CSMD1: variants seen among roughly 807,000 people sequenced by gnomAD.
CSMD1 encodes CUB and Sushi multiple domains 1, also known as CUB and sushi domain-containing protein 1.
CSMD1 carries 213 observed loss-of-function variants against 417.5 expected under a neutral mutation model. The observed-to-expected ratio is 0.51, with a 90% CI of 0.46 to 0.57. CSMD1 has a LOEUF of 0.57. CSMD1 is among the 20% of genes least tolerant of loss of function. The pLI, the probability that CSMD1 is intolerant of heterozygous loss-of-function variation, is 0.00. For synonymous variants in CSMD1, 2,862 were observed against 1,736.8 expected (o/e 1.65, Z -16.11); for missense variants, 6,923 against 4,529.7 (o/e 1.53, Z -15.17).
At chr8:4,050,331 T>C (rs1298836288) in intron 3 of CSMD1, among the ~76,000 whole-genome samples, 2 of 152,314 alleles carry the variant, frequency 1.3e-5, no homozygotes, top group East Asian at 1.9e-4. Flanking sequence ...AGGCTAGTTA[T>C]ACACAGAGCA....
intron 1 of CSMD1, among the ~76,000 whole-genome samples, chr8:4,714,766 GA>G (rs1482616227): frequency 6.6e-6 from 1 of 151,930 alleles, no homozygotes; most frequent in African/African-American, 2.4e-5. Flanking sequence ...AATAATAGAG[GA>G]AAAATAATGT....
chr8:3,955,613 T>G (rs1250514383), intron 5 of CSMD1, among the ~76,000 whole-genome samples: 1 of 152,144 alleles, frequency 6.6e-6, no homozygotes, highest in African/African-American at 2.4e-5. Flanking sequence ...TTTGTAGTAT[T>G]GAATATCTCA....
intron 1 of CSMD1, among the ~76,000 whole-genome samples, chr8:4,812,519 T>C (rs1798966318): frequency 6.6e-6 from 1 of 152,206 alleles, no homozygotes; most frequent in Admixed American, 6.5e-5. Flanking sequence ...TTGATCATTA[T>C]ACATTCTATG....
intron 5 of CSMD1, among the ~76,000 whole-genome samples, chr8:3,857,693 A>C (rs1409653882): frequency 6.6e-6 from 1 of 152,174 alleles, no homozygotes; most frequent in African/African-American, 2.4e-5. Flanking sequence ...GATTCTTCAT[A>C]ATCTTCAAAT....
At chr8:4,761,403 C>T (rs974631529) in intron 1 of CSMD1, among the ~76,000 whole-genome samples, 1 of 151,664 alleles carries the variant, frequency 6.6e-6, no homozygotes, top group Non-Finnish European at 1.5e-5. Flanking sequence ...TATATACACA[C>T]ATATATATAC....
intron 3 of CSMD1, among the ~76,000 whole-genome samples, chr8:4,156,846 G>A (rs1796862911): frequency 6.6e-6 from 1 of 151,498 alleles, no homozygotes; most frequent in African/African-American, 2.5e-5. Flanking sequence ...TCACAGGGAG[G>A]CTTTTTAATT....
At chr8:2,955,467 T>G (rs1585047006) in intron 64 of CSMD1, 122 bp downstream of exon 64, 4 of 836,066 alleles carry the variant, frequency 4.8e-6, no homozygotes. Flanking sequence ...CTGAGGCAGG[T>G]GGCGATGCTG....
At chr8:3,226,547 A>T (rs977419744) in intron 27 of CSMD1, among the ~76,000 whole-genome samples, 6 of 146,676 alleles carry the variant, frequency 4.1e-5, no homozygotes. Flanking sequence ...ACACCACTGC[A>T]CTCCAGCTTA....
chr8:3,465,849 G>A (rs1816764898), intron 12 of CSMD1, among the ~76,000 whole-genome samples: 2 of 152,268 alleles, frequency 1.3e-5, no homozygotes. Context: ...CTGAGGGACT[G>A]ACTGTGACTC....
chr8:4,960,047 C>CT (rs1468067272), intron 1 of CSMD1, among the ~76,000 whole-genome samples: 1 of 152,166 alleles, frequency 6.6e-6, no homozygotes, highest in African/African-American at 2.4e-5. Context: ...TTCACAGTTA[C>CT]TCAGAACAGT....
At chr8:3,795,936 G>T (rs1240811919) in intron 5 of CSMD1, among the ~76,000 whole-genome samples, 1 of 45,952 alleles carries the variant, frequency 2.2e-5, no homozygotes, top group Non-Finnish European at 4.6e-5. Flanking sequence ...ATCATGTACA[G>T]ATATAGATAT....
intron 1 of CSMD1, among the ~76,000 whole-genome samples, chr8:4,841,985 C>G (rs570760830): frequency 4.7e-5 from 7 of 150,190 alleles, no homozygotes; most frequent in African/African-American, 1.5e-4. Flanking sequence ...TTTGTCCTGC[C>G]TCTAATTGAT....
chr8:4,843,281 G>T (rs1158416626), intron 1 of CSMD1, among the ~76,000 whole-genome samples: 4 of 152,048 alleles, frequency 2.6e-5, no homozygotes, highest in Non-Finnish European at 5.9e-5. Flanking sequence ...CCCATCTATG[G>T]CCCAGTACTT....
intron 10 of CSMD1, among the ~76,000 whole-genome samples, chr8:3,529,725 G>A (rs148443096): frequency 1.6e-4 from 25 of 152,220 alleles, no homozygotes; most frequent in African/African-American, 6.0e-4. Context: ...TATATCTGTT[G>A]TTTTACTCAC....
intron 3 of CSMD1, among the ~76,000 whole-genome samples, chr8:4,194,403 C>A (rs1269077627): frequency 2.6e-5 from 4 of 152,132 alleles, no homozygotes; most frequent in African/African-American, 9.7e-5. Context: ...AAACAATGGA[C>A]ACTCCAAATA....
intron 3 of CSMD1, among the ~76,000 whole-genome samples, chr8:4,095,838 T>C (rs73658571): frequency 0.22 from 34,111 of 152,174 alleles, 4,762 homozygotes; most frequent in African/African-American, 0.39. Context: ...CATTGGAATG[T>C]ATTTAAAACT....
At chr8:3,574,841 T>A in intron 10 of CSMD1, 104 bp downstream of exon 10, 9 of 1,309,328 alleles carry the variant, frequency 6.9e-6, no homozygotes, top group Non-Finnish European at 9.4e-6. Context: ...ATTCAAACAG[T>A]AAAGTGTAAG....
At chr8:3,416,172 G>C (rs1308193333) in intron 12 of CSMD1, among the ~76,000 whole-genome samples, 3 of 30,442 alleles carry the variant, frequency 9.9e-5, no homozygotes, top group African/African-American at 2.3e-4. Context: ...GTGTTGGGGG[G>C]CGCCTGTAAT....
intron 1 of CSMD1, among the ~76,000 whole-genome samples, chr8:4,743,140 C>A (rs973874236): frequency 1.3e-5 from 2 of 152,058 alleles, no homozygotes; most frequent in African/African-American, 4.8e-5. Context: ...AATAACCAAA[C>A]TTTTAACAGA....
Sources: allele counts gnomAD v4.1 joint callset (sites outside exome capture counted in the v4.1 genomes callset), GRCh38; gene constraint gnomAD v4.1.1; transcripts MANE v1.5; gene names NCBI Gene and HGNC (gene_info 2026-07-23, HGNC 2026-07-21).